NEBL: variants seen among roughly 807,000 people sequenced by gnomAD.
NEBL encodes the protein nebulette.
NEBL carries 122 observed loss-of-function variants against 140.2 expected under a neutral mutation model. The ratio of observed to expected loss-of-function variants is 0.87; its 90% CI spans 0.75 to 1.01. NEBL has a LOEUF of 1.01. Ranked by LOEUF, NEBL falls within the 50% of genes least tolerant of loss-of-function variation. The pLI, the probability that NEBL is intolerant of heterozygous loss-of-function variation, is 0.00. For synonymous variants in NEBL, 436 were observed against 398.9 expected (o/e 1.09, Z -1.11); for missense variants, 1,365 against 1,231.3 (o/e 1.11, Z -1.62).
At chr10:21,078,951 T>C (rs1418245242) in intron 2 of NEBL, among the ~76,000 whole-genome samples, 1 of 152,234 alleles carries the variant, frequency 6.6e-6, no homozygotes, top group African/African-American at 2.4e-5. Flanking sequence ...GTGCGGCTCC[T>C]GCCCCATGAA....
At chr10:20,794,874 C>T (rs1392106412) in intron 26 of NEBL, among the ~76,000 whole-genome samples, 6 of 152,136 alleles carry the variant, frequency 3.9e-5, no homozygotes, top group East Asian at 1.9e-4. Flanking sequence ...TCCAGCCCTG[C>T]GCTTAGGATG....
intron 4 of NEBL, among the ~76,000 whole-genome samples, chr10:20,909,690 A>T (rs1848249177): frequency 6.6e-6 from 1 of 152,188 alleles, no homozygotes; most frequent in African/African-American, 2.4e-5. Context: ...AAGCTAATGA[A>T]GATAATTTAC....
chr10:21,210,857 G>T (rs971253519), intron 3 of NEBL, among the ~76,000 whole-genome samples: 2 of 152,176 alleles, frequency 1.3e-5, no homozygotes, highest in Non-Finnish European at 2.9e-5. Flanking sequence ...TACACGCTAT[G>T]TATGAGCTAC....
At chr10:21,129,254 A>T (rs749698951) in intron 2 of NEBL, among the ~76,000 whole-genome samples, 7 of 151,996 alleles carry the variant, frequency 4.6e-5, no homozygotes, top group Non-Finnish European at 8.8e-5. Flanking sequence ...AGGTAAAATT[A>T]AAAAATTTTT....
intron 3 of NEBL, among the ~76,000 whole-genome samples, chr10:21,216,244 C>T (rs1353811455): frequency 1.3e-5 from 2 of 152,222 alleles, no homozygotes; most frequent in African/African-American, 2.4e-5. Context: ...CTGACTTCCC[C>T]TTAGCCACAT....
chr10:21,272,269 TA>T (rs1340783369), intron 1 of NEBL, among the ~76,000 whole-genome samples: 2 of 151,706 alleles, frequency 1.3e-5, no homozygotes, highest in African/African-American at 4.8e-5. Context: ...CCGGCAAATA[TA>T]AAAAATTTTT....
intron 3 of NEBL, among the ~76,000 whole-genome samples, chr10:21,182,438 T>A (rs900616372): frequency 2.0e-5 from 3 of 152,190 alleles, no homozygotes; most frequent in Non-Finnish European, 4.4e-5. Flanking sequence ...ATCGTGCCAC[T>A]GCACTCCAGC....
chr10:21,157,871 A>G (rs1840396191), intron 2 of NEBL, among the ~76,000 whole-genome samples: 1 of 152,186 alleles, frequency 6.6e-6, no homozygotes, highest in Non-Finnish European at 1.5e-5. Context: ...GTGTCCTTAG[A>G]AAACGAGATT....
At chr10:21,230,507 C>T (rs1050885840) in intron 3 of NEBL, among the ~76,000 whole-genome samples, 17 of 151,984 alleles carry the variant, frequency 1.1e-4, no homozygotes, top group African/African-American at 4.1e-4. Context: ...TCAACAATCT[C>T]ACTTTCTCAG....
At chr10:20,893,261 A>T (rs530142885) in intron 2 of NEBL, among the ~76,000 whole-genome samples, 5 of 152,318 alleles carry the variant, frequency 3.3e-5, no homozygotes, top group East Asian at 1.9e-4. Flanking sequence ...CTGAATGCTC[A>T]ATAGAGAGGA....
At chr10:20,985,134 C>G (rs1419704629) in intron 3 of NEBL, among the ~76,000 whole-genome samples, 2 of 152,234 alleles carry the variant, frequency 1.3e-5, no homozygotes, top group African/African-American at 4.8e-5. Context: ...ATAAAGTGTA[C>G]AATAAATGTA....
At chr10:20,837,654 G>A (rs891085752) in intron 13 of NEBL, among the ~76,000 whole-genome samples, 1 of 152,114 alleles carries the variant, frequency 6.6e-6, no homozygotes, top group African/African-American at 2.4e-5. Flanking sequence ...GCCTTCTATT[G>A]GAAAAAGATG....
intron 2 of NEBL, among the ~76,000 whole-genome samples, chr10:21,128,075 G>T (rs1378104071): frequency 6.6e-6 from 1 of 151,974 alleles, no homozygotes; most frequent in Admixed American, 6.6e-5. Flanking sequence ...TTAATGACTC[G>T]GTTGGGACTA....
At chr10:21,147,328 C>T (rs1315576758) in intron 2 of NEBL, among the ~76,000 whole-genome samples, 3 of 151,946 alleles carry the variant, frequency 2.0e-5, no homozygotes, top group African/African-American at 7.3e-5. Context: ...GGGTCCTCAT[C>T]AGCAGAGAAA....
intron 2 of NEBL, among the ~76,000 whole-genome samples, chr10:21,104,168 T>A (rs1273814754): frequency 6.6e-6 from 1 of 152,214 alleles, no homozygotes; most frequent in Non-Finnish European, 1.5e-5. Context: ...ACCAGAGCTG[T>A]ATAATAAGGT....
chr10:21,083,218 C>T (rs1836468906), intron 2 of NEBL, among the ~76,000 whole-genome samples: 1 of 152,214 alleles, frequency 6.6e-6, no homozygotes, highest in Non-Finnish European at 1.5e-5. Context: ...GAAGGCCTAT[C>T]AGGGAAAATG....
chr10:20,999,813 T>C (rs1837815813), intron 3 of NEBL, among the ~76,000 whole-genome samples: 1 of 152,090 alleles, frequency 6.6e-6, no homozygotes, highest in African/African-American at 2.4e-5. Context: ...AACATAAACA[T>C]GAACGCTGCT....
At chr10:21,268,593 G>A (rs977249848) in intron 1 of NEBL, among the ~76,000 whole-genome samples, 2 of 149,562 alleles carry the variant, frequency 1.3e-5, no homozygotes, top group African/African-American at 4.9e-5. Context: ...GTGTGATCTC[G>A]GCTCACTGCA....
At chr10:20,956,121 C>T (rs1472044511) in intron 4 of NEBL, among the ~76,000 whole-genome samples, 2 of 152,050 alleles carry the variant, frequency 1.3e-5, no homozygotes, top group African/African-American at 4.8e-5. Context: ...TTCTGCTCTA[C>T]ATGGAAAAAT....
Sources: gnomAD v4.1 joint callset for allele counts (sites outside exome capture counted in the v4.1 genomes callset) on GRCh38, gnomAD v4.1.1 for gene constraint, MANE v1.5 for transcripts, NCBI Gene and HGNC (gene_info 2026-07-23, HGNC 2026-07-21) for gene names.